KCNIP2: variants seen among roughly 807,000 people sequenced by gnomAD.
KCNIP2 encodes the protein A-type potassium channel modulatory protein KCNIP2.
KCNIP2 carries 19 observed loss-of-function variants against 39.0 expected under a neutral mutation model. The observed-to-expected ratio is 0.49, with a 90% CI of 0.34 to 0.71. KCNIP2 has a LOEUF of 0.71. KCNIP2 is among the 30% of genes least tolerant of loss of function. The probability of loss-of-function intolerance (pLI) is 0.01; values close to 1 mark genes in which losing one functional copy is unlikely to be tolerated. For synonymous variants in KCNIP2, 111 were observed against 131.2 expected (o/e 0.85, Z 1.05); for missense variants, 261 against 346.0 (o/e 0.75, Z 1.95).
chr10:101,829,326 C>T, intron 3 of KCNIP2, 127 bp from the exon 4 acceptor site: 1 of 1,243,812 alleles, frequency 8.0e-7, no homozygotes. Context: ...GCTGCCAGTT[C>T]CCTGGGCCCC....
rs552374232 is a variant in KCNIP2, at chr10:101,838,901, C to T, written c.73+4595G>A. ...AGAGGAGACGTTGCGTTCTATGGGC[C>T]CTGCCCAAGCAGTCATAAGGAAATG... is the stretch of plus-strand genomic sequence containing the variant. On this transcript the variant is annotated intron_variant, in intron 1 of 9. Transcript: ENST00000356640. The surrounding 1 kb of genome is among the most constrained non-coding windows in gnomAD (Gnocchi z 4.0). Among the ~76,000 whole-genome samples, 12 of 152,160 alleles carry T rather than the reference C, an allele frequency of 7.9e-5. No homozygotes were observed. The highest frequency in any genetic ancestry group is 1.8e-4 in the Non-Finnish European group (12 of 68,026).
chr10:101,839,666 C>A, intron 1 of KCNIP2: 1 of 1,208,218 alleles, frequency 8.3e-7, no homozygotes, highest in Non-Finnish European at 1.2e-6. Context: ...TTTGAGGGGC[C>A]CTTCCCTCCC....
At chr10:101,842,174 G>A (rs2066355569) in intron 1 of KCNIP2, among the ~76,000 whole-genome samples, 1 of 152,194 alleles carries the variant, frequency 6.6e-6, no homozygotes, top group Admixed American at 6.5e-5. Context: ...TTGGCCTCAG[G>A]GAGACAGCCT....
In KCNIP2 at chr10:101,826,645, A is replaced by C. The variant is rs2065756184; in HGVS notation, c.*708T>G. The C allele has an allele frequency of 6.6e-6, 1 of 152,258 alleles. No individual in the cohort carries two copies. Among genetic ancestry groups the C allele is most frequent in the Non-Finnish European group, 1.5e-5 (1 of 68,068 alleles). The allele number at this position is 152,258 out of a possible 1,614,324, so 9.4% of individuals were successfully genotyped here. A position where few individuals can be genotyped will look rare whatever the true frequency, so the allele number is the denominator to read the frequency against. ...AGAGATGAGCCAGATATCTGGCCCC[A>C]GGCTCTCCATGGATACCGAGGAGGG... On this transcript the variant is annotated 3_prime_UTR_variant, in exon 10 of 10. Coordinates refer to ENST00000356640, the MANE Select transcript of KCNIP2 (RefSeq NM_173191.3).
rs757150545 is a variant in KCNIP2, at chr10:101,831,037, A to AGG, written c.169+34_169+35insCC. On this transcript the variant is annotated intron_variant, in intron 2 of 9. Coordinates refer to ENST00000356640, the MANE Select transcript of KCNIP2 (RefSeq NM_173191.3). ...TGCACAGACACGCACGCACACATCG[A>AGG]GCCCCGCCCCCGGAAGCACATGAGA... The AGG allele has an allele frequency of 4.5e-6, 7 of 1,572,054 alleles. No homozygotes were observed. In the South Asian group the frequency reaches 6.7e-5, roughly 15 times the overall value.
intron 1 of KCNIP2, chr10:101,834,249 C>T: frequency 2.5e-6 from 1 of 399,312 alleles, no homozygotes; most frequent in Non-Finnish European, 4.4e-6. Context: ...CTCAGACATG[C>T]CAGGACACCT....
intron 3 of KCNIP2, 60 bp downstream of exon 3, chr10:101,829,784 C>T: frequency 2.9e-6 from 2 of 690,850 alleles, no homozygotes; most frequent in Non-Finnish European, 4.0e-6. Flanking sequence ...CAAGTGCCCC[C>T]CACCCCAAGA....
intron 1 of KCNIP2, among the ~76,000 whole-genome samples, chr10:101,833,047 C>T (rs1564667650): frequency 6.6e-6 from 1 of 151,376 alleles, no homozygotes; most frequent in Non-Finnish European, 1.5e-5. Flanking sequence ...GTTTTCTGCT[C>T]TTACTGAACC....
chr10:101,830,083 G>A, intron 2 of KCNIP2, 186 bp from the exon 3 acceptor site: 1 of 706,876 alleles, frequency 1.4e-6, no homozygotes, highest in Non-Finnish European at 2.4e-6. Context: ...GTCCTTTTCC[G>A]AATCCACCCC....
intron 1 of KCNIP2, among the ~76,000 whole-genome samples, chr10:101,840,462 C>G (rs1480564212): frequency 1.3e-5 from 2 of 151,422 alleles, no homozygotes; most frequent in Non-Finnish European, 2.9e-5. Context: ...ATAACTGTTT[C>G]TATTTGTGTT....
chr10:101,827,408 C>G lies in KCNIP2; in HGVS notation c.766-8G>C. The G allele has an allele frequency of 6.2e-7, 1 of 1,603,550 alleles. No individual in the cohort carries two copies. The highest frequency in any genetic ancestry group is 8.5e-7 in the Non-Finnish European group (1 of 1,171,818). ...CCTCATGATGTTCTCATCCTGTGGC[C>G]ATGATGTGAGCGAGGCAGATTGAAG... On this transcript the variant is annotated splice_polypyrimidine_tract_variant and splice_region_variant and intron_variant, in intron 9 of 9. Transcript: ENST00000356640.
chr10:101,834,257 C>T (rs2066079429), intron 1 of KCNIP2: 2 of 399,310 alleles, frequency 5.0e-6, no homozygotes, highest in East Asian at 3.6e-5. Context: ...TGCCAGGACA[C>T]CTGGATTACC....
At chr10:101,830,432 G>A (rs2065929921) in intron 2 of KCNIP2, 4 of 1,294,300 alleles carry the variant, frequency 3.1e-6, no homozygotes, top group Non-Finnish European at 4.1e-6. Flanking sequence ...ACCCAGCTAA[G>A]CCACATACAG....
At position 101,838,181 on chromosome 10, in the gene KCNIP2, C is replaced by T. The variant is rs183829120; in HGVS notation, c.73+5315G>A. ...ATCCTCCCCAAGCATCCCTGTGCCA[C>T]GAATTTAGCTCTTCACTCAAAGTAA... On this transcript the variant is annotated intron_variant, in intron 1 of 9. Coordinates refer to ENST00000356640, the MANE Select transcript of KCNIP2 (RefSeq NM_173191.3). The surrounding 1 kb of genome is among the most constrained non-coding windows in gnomAD (Gnocchi z 4.0). 3.9e-5 allele frequency among the ~76,000 whole-genome samples: 6 copies of T among 152,318 alleles called. No homozygotes were observed. In the South Asian group the frequency reaches 6.2e-4, roughly 16 times the overall value.
At chr10:101,834,205 A>G (rs377462695) in intron 1 of KCNIP2, 99 of 398,866 alleles carry the variant, frequency 2.5e-4, no homozygotes, top group African/African-American at 1.9e-3. Flanking sequence ...CACCCTCCCT[A>G]GTGCTGTGGG....
chr10:101,828,882 G>T lies in KCNIP2; in HGVS notation c.349-186C>A, dbSNP rs755220415. On this transcript the variant is annotated intron_variant, in intron 4 of 9. Coordinates refer to ENST00000356640, the MANE Select transcript of KCNIP2 (RefSeq NM_173191.3). This position sits in a 1 kb window ranked among gnomAD's most constrained non-coding sequence, Gnocchi z 6.6. ...AGTGCACAAATAAAAAACATGGAAC[G>T]AAACTGACAGTCTACAGGCGCCACT... 1.3e-6 allele frequency: 2 copies of T among 1,543,318 alleles called. No individual in the cohort carries two copies.
At chr10:101,834,595 T>C (rs749992036) in intron 1 of KCNIP2, among the ~76,000 whole-genome samples, 50 of 152,154 alleles carry the variant, frequency 3.3e-4, no homozygotes, top group Non-Finnish European at 6.3e-4. Context: ...CACCTCAGCC[T>C]TTGGACTGGC....
At chr10:101,835,303 G>A (rs1293490649) in intron 1 of KCNIP2, among the ~76,000 whole-genome samples, 2 of 152,190 alleles carry the variant, frequency 1.3e-5, no homozygotes, top group Non-Finnish European at 2.9e-5. Context: ...TCTTCCCACA[G>A]GCCACAGGCA....
intron 1 of KCNIP2, among the ~76,000 whole-genome samples, chr10:101,836,036 C>A (rs4142930): frequency 0.2 from 30,949 of 152,094 alleles, 3,448 homozygotes; most frequent in East Asian, 0.48. Context: ...GGGGGATTGG[C>A]CCCAGAAGGA....
Sources: allele counts gnomAD v4.1 joint callset (sites outside exome capture counted in the v4.1 genomes callset), GRCh38; gene constraint gnomAD v4.1.1; non-coding constraint Gnocchi (gnomAD v3.1); transcripts MANE v1.5; gene names NCBI Gene and HGNC (gene_info 2026-07-23, HGNC 2026-07-21).